The following PCDHA1 variants were observed in gnomAD, a reference collection of about 807,000 sequenced individuals.
PCDHA1 encodes the protein protocadherin alpha 1.
PCDHA1 carries 42 observed loss-of-function variants against 61.3 expected under a neutral mutation model. The observed-to-expected ratio is 0.69, with a 90% CI of 0.54 to 0.89. PCDHA1 has a LOEUF of 0.89. Among genes scored for constraint, PCDHA1 ranks in the 40% least tolerant of loss-of-function variants. The pLI, the probability that PCDHA1 is intolerant of heterozygous loss-of-function variation, is 0.00. For synonymous variants in PCDHA1, 610 were observed against 553.8 expected (o/e 1.10, Z -1.43); for missense variants, 1,256 against 1,235.3 (o/e 1.02, Z -0.25).
chr5:140,901,599 A>C (rs1196199794), intron 1 of PCDHA1, among the ~76,000 whole-genome samples: 1 of 152,132 alleles, frequency 6.6e-6, no homozygotes, highest in Non-Finnish European at 1.5e-5. Flanking sequence ...TTTGGTTACT[A>C]TATCTCTATG....
At chr5:140,843,440 G>A in intron 1 of PCDHA1, 2 of 1,596,090 alleles carry the variant, frequency 1.3e-6, no homozygotes, top group African/African-American at 2.7e-5. Flanking sequence ...CATCTGCGCG[G>A]TATCCAGCCT....
chr5:140,907,344 C>T (rs548533041), intron 1 of PCDHA1, among the ~76,000 whole-genome samples: 111 of 152,276 alleles, frequency 7.3e-4, no homozygotes, highest in Non-Finnish European at 1.2e-3. Flanking sequence ...TGCATGAGCC[C>T]GCTGCTGCAC....
chr5:140,870,195 C>T, intron 1 of PCDHA1: 1 of 1,614,178 alleles, frequency 6.2e-7, no homozygotes, highest in Non-Finnish European at 8.5e-7. Flanking sequence ...ACGCTCAGCC[C>T]AGCACGGTCA....
chr5:140,804,211 C>T (rs1554123052), intron 1 of PCDHA1: 3 of 151,960 alleles, frequency 2.0e-5, no homozygotes, highest in East Asian at 1.9e-4. Flanking sequence ...TTGGCAATAC[C>T]GTTTATTGTT....
At chr5:140,950,914 T>C (rs1198787949) in intron 1 of PCDHA1, among the ~76,000 whole-genome samples, 1 of 152,044 alleles carries the variant, frequency 6.6e-6, no homozygotes, top group African/African-American at 2.4e-5. Flanking sequence ...TTTATTTTAT[T>C]TCAGTTCTTT....
intron 1 of PCDHA1, chr5:140,809,400 C>A (rs781909645): frequency 1.2e-6 from 2 of 1,614,032 alleles, no homozygotes; most frequent in Admixed American, 1.7e-5. Context: ...GGCAAGCCCA[C>A]GCTGGTGTGC....
chr5:140,927,325 C>T, intron 1 of PCDHA1: 6 of 1,614,234 alleles, frequency 3.7e-6, no homozygotes, highest in South Asian at 1.1e-5. Context: ...CCGCTTTACT[C>T]TCCCGAATGC....
chr5:140,850,570 C>T (rs2041682999), intron 1 of PCDHA1: 2 of 1,598,372 alleles, frequency 1.3e-6, no homozygotes, highest in Non-Finnish European at 8.6e-7. Context: ...CCCGAGGTGA[C>T]GCTGGTGGAT....
In PCDHA1 at chr5:140,850,590, T is replaced by G. The variant is rs2150490414; in HGVS notation, c.2394+61906T>G. The G allele has an allele frequency of 2.7e-5, 43 of 1,598,318 alleles. 1 individual carries two copies. The highest frequency in any genetic ancestry group is 3.5e-5 in the Non-Finnish European group (41 of 1,167,854). ...GGTGACGCTGGTGGATGTCAACGTG[T>G]ACCTGATCATCGCCATCTGCGCGGT... On this transcript the variant is annotated intron_variant, in intron 1 of 3. Coordinates refer to ENST00000504120, the MANE Select transcript of PCDHA1 (RefSeq NM_018900.4).
chr5:140,823,662 G>A (rs1385284289), intron 1 of PCDHA1: 4 of 1,613,946 alleles, frequency 2.5e-6, no homozygotes, highest in African/African-American at 2.7e-5. Context: ...ACACAGGCGA[G>A]ATCAGCACAA....
chr5:140,946,517 G>A (rs138420578), intron 1 of PCDHA1, among the ~76,000 whole-genome samples: 8 of 151,024 alleles, frequency 5.3e-5, no homozygotes, highest in Admixed American at 1.3e-4. Flanking sequence ...AGACCTATCC[G>A]CACTCCCATG....
intron 1 of PCDHA1, chr5:140,863,519 A>G (rs1309854310): frequency 7.5e-6 from 3 of 400,164 alleles, no homozygotes; most frequent in Non-Finnish European, 1.5e-5. Context: ...GTGTTCTCCC[A>G]TGGTTCAGAT....
chr5:140,869,997 T>C (rs782075585), intron 1 of PCDHA1: 23 of 1,613,172 alleles, frequency 1.4e-5, no homozygotes, highest in Non-Finnish European at 2.5e-6. Context: ...ATCAAAATAA[T>C]GGAGAAGTGA....
Position 140,829,599 on chromosome 5 carries a change from C to A in PCDHA1, c.2394+40915C>A, listed in dbSNP as rs1770425263. ...GTGGAGCGGCGGGTGGGCGAGCGCG[C>A]GTTGTCGAGCTACATTTCGGTGCAC... is the stretch of plus-strand genomic sequence containing the variant. On this transcript the variant is annotated intron_variant, in intron 1 of 3. Transcript: ENST00000504120. 15 of 1,612,030 alleles carry A rather than the reference C, an allele frequency of 9.3e-6. No individual in the cohort carries two copies. In the East Asian group the frequency reaches 3.3e-4, roughly 36 times the overall value.
At chr5:140,942,996 C>T (rs1294135098) in intron 1 of PCDHA1, among the ~76,000 whole-genome samples, 1 of 151,798 alleles carries the variant, frequency 6.6e-6, no homozygotes, top group South Asian at 2.1e-4. Context: ...GTGGCTCATG[C>T]CTGTAATCCC....
At chr5:140,972,625 G>A (rs2096544051) in intron 1 of PCDHA1, among the ~76,000 whole-genome samples, 1 of 151,044 alleles carries the variant, frequency 6.6e-6, no homozygotes, top group African/African-American at 2.4e-5. Flanking sequence ...AATGTTGTTG[G>A]CACTCCCTTC....
chr5:140,882,490 T>C, intron 1 of PCDHA1: 1 of 1,614,024 alleles, frequency 6.2e-7, no homozygotes, highest in Non-Finnish European at 8.5e-7. Context: ...ACGGGGACCT[T>C]CTGGAGGTAA....
Position 140,787,662 on chromosome 5 carries a change from C to T in PCDHA1, c.1372C>T (p.Pro458Ser). 2 of 1,614,004 alleles carry T rather than the reference C, an allele frequency of 1.2e-6. No homozygotes were observed. Among genetic ancestry groups the T allele is most frequent in the South Asian group, 1.1e-5 (1 of 91,076 alleles). The change falls in exon 1 of 4, where the codon CCC becomes TCC. Residue 458 changes from proline to serine, a missense_variant. Transcript: ENST00000504120. ...TGACAACGCGCCTGCGTTCGCGCAGCCCGAGTACACAGTATTCGTGAAGGA... is the reference window on the plus strand; with the variant it reads ...TGACAACGCGCCTGCGTTCGCGCAGTCCGAGTACACAGTATTCGTGAAGGA... ...VNDNAPAFAQ[P>S]EYTVFVKENN...
rs116001450 is a variant in PCDHA1 at position 140,876,617 on chromosome 5, A to G, written c.2394+87933A>G. 182 of 1,614,178 alleles carry G rather than the reference A, an allele frequency of 1.1e-4. No individual in the cohort carries two copies. The African/African-American group carries it at 2.3e-3, about 20-fold the overall frequency. ...GTGTCGGATCGTGACTCTGGAGCCAATGGACAGGTCATCTGCTCACTGACA... is the reference window on the plus strand; with the variant it reads ...GTGTCGGATCGTGACTCTGGAGCCAGTGGACAGGTCATCTGCTCACTGACA... On this transcript the variant is annotated intron_variant, in intron 1 of 3. Transcript: ENST00000504120.
Sources: gnomAD v4.1 joint callset for allele counts (sites outside exome capture counted in the v4.1 genomes callset) on GRCh38, gnomAD v4.1.1 for gene constraint, MANE v1.5 for transcripts, NCBI Gene and HGNC (gene_info 2026-07-23, HGNC 2026-07-21) for gene names.